PTPRN2: variants seen among roughly 807,000 people sequenced by gnomAD.
The protein encoded by PTPRN2 is protein tyrosine phosphatase receptor type N2.
In PTPRN2, 74 loss-of-function variants were observed where a neutral mutation model predicts 118.8. That is an observed-to-expected ratio of 0.62 (90% CI 0.52 to 0.76). The LOEUF (loss-of-function observed/expected upper bound fraction) is 0.76. Ranked by LOEUF, PTPRN2 falls within the 30% of genes least tolerant of loss-of-function variation. The pLI is 0.00. For missense variants in PTPRN2, 1,481 were observed against 1,394.4 expected, an observed-to-expected ratio of 1.06 and a Z score of -0.99; for synonymous variants, 641 against 608.0, an observed-to-expected ratio of 1.05 and a Z score of -0.80.
rs139953421 is a variant in PTPRN2 at position 158,082,286 on chromosome 7, C to G, written c.1644-909G>C. Among the ~76,000 whole-genome samples, 48 of 152,282 alleles carry G rather than the reference C, an allele frequency of 3.2e-4. No individual in the cohort carries two copies. The East Asian group carries it at 8.9e-3, about 28-fold the overall frequency. On this transcript the variant is annotated intron_variant, in intron 10 of 22. Transcript: ENST00000389418. ...GGGTCCCTTGCTGTCCCCACTGCAG[C>G]CACACACCCTCCACCACAGGCTCAT...
rs61415710 is a variant in PTPRN2 at position 157,780,155 on chromosome 7, C to T, written c.1789-97218G>A. Reference sequence around the variant, plus strand: ...ACTGTCTTTGTTTATGATCCCACCACGTATCTCTACTATTAAAGAATTAGC... The same window carrying T: ...ACTGTCTTTGTTTATGATCCCACCATGTATCTCTACTATTAAAGAATTAGC... On this transcript the variant is annotated intron_variant, in intron 12 of 22. Coordinates refer to ENST00000389418, the MANE Select transcript of PTPRN2 (RefSeq NM_002847.5). The surrounding 1 kb of genome is among the most constrained non-coding windows in gnomAD (Gnocchi z 4.5). Among the ~76,000 whole-genome samples, 1,985 of 152,286 alleles carry T rather than the reference C, an allele frequency of 0.013. 38 individuals are homozygous for T. The highest frequency in any genetic ancestry group is 0.045 in the African/African-American group (1,858 of 41,538).
At chr7:158,286,617 T>C (rs1336313258) in intron 3 of PTPRN2, among the ~76,000 whole-genome samples, 1 of 152,224 alleles carries the variant, frequency 6.6e-6, no homozygotes, top group African/African-American at 2.4e-5. Context: ...AGATGATATA[T>C]GGTTTTTATC....
At chr7:158,314,479 C>T (rs903294346) in intron 3 of PTPRN2, among the ~76,000 whole-genome samples, 15 of 152,260 alleles carry the variant, frequency 9.9e-5, no homozygotes, top group Admixed American at 2.6e-4. Flanking sequence ...ACATTGATAC[C>T]CATATCTACG....
chr7:157,863,778 A>G (rs938829833), intron 12 of PTPRN2: 2 of 152,118 alleles, frequency 1.3e-5, no homozygotes, highest in African/African-American at 4.8e-5. Context: ...TCAGAAAGGG[A>G]TATCTGGACA....
chr7:158,070,565 G>GTGCTCTTAGTA, intron 11 of PTPRN2, among the ~76,000 whole-genome samples: 1 of 125,732 alleles, frequency 8.0e-6, no homozygotes, highest in African/African-American at 3.4e-5. Context: ...CATGGTGGTG[G>GTGCTCTTAGTA]TGGAGGTGCC....
intron 12 of PTPRN2, among the ~76,000 whole-genome samples, chr7:157,883,586 G>T (rs1261073427): frequency 6.7e-6 from 1 of 148,456 alleles, no homozygotes; most frequent in Non-Finnish European, 1.5e-5. Flanking sequence ...CAAAATGACT[G>T]TTGGAGACCA....
At chr7:157,572,394 C>G (rs993894347) in intron 19 of PTPRN2, among the ~76,000 whole-genome samples, 1 of 152,180 alleles carries the variant, frequency 6.6e-6, no homozygotes, top group African/African-American at 2.4e-5. Flanking sequence ...AAGTATGGAC[C>G]ATCAATGGGA....
At chr7:157,767,029 C>T (rs1189593664) in intron 12 of PTPRN2, among the ~76,000 whole-genome samples, 1 of 152,208 alleles carries the variant, frequency 6.6e-6, no homozygotes, top group Non-Finnish European at 1.5e-5. Flanking sequence ...CACCTAGCAC[C>T]ATACAATAGT....
chr7:158,305,268 T>C (rs1222627296), intron 3 of PTPRN2, among the ~76,000 whole-genome samples: 4 of 152,086 alleles, frequency 2.6e-5, no homozygotes, highest in Non-Finnish European at 5.9e-5. Flanking sequence ...AAGCCAAGAG[T>C]GGCTTCTTTC....
intron 3 of PTPRN2, among the ~76,000 whole-genome samples, chr7:158,312,236 A>G (rs1801850053): frequency 1.8e-5 from 2 of 109,196 alleles, no homozygotes; most frequent in African/African-American, 6.0e-5. Context: ...ACCCACACAC[A>G]TGCACACACA....
chr7:157,559,428 G>A (rs896609485), intron 21 of PTPRN2, among the ~76,000 whole-genome samples: 4 of 152,222 alleles, frequency 2.6e-5, no homozygotes, highest in Non-Finnish European at 4.4e-5. Context: ...ACACACTGGC[G>A]GGGGCTGGAC....
intron 2 of PTPRN2, among the ~76,000 whole-genome samples, chr7:158,436,548 A>G (rs1586668829): frequency 2.3e-5 from 3 of 130,832 alleles, no homozygotes; most frequent in Admixed American, 7.7e-5. Context: ...TCTTTTCCTA[A>G]GAGTCATCTG....
At chr7:157,608,350 G>A (rs1802127756) in intron 15 of PTPRN2, among the ~76,000 whole-genome samples, 1 of 152,192 alleles carries the variant, frequency 6.6e-6, no homozygotes, top group African/African-American at 2.4e-5. Flanking sequence ...TTACAGGCAT[G>A]AGCCACTGTG....
intron 2 of PTPRN2, among the ~76,000 whole-genome samples, chr7:158,419,485 C>G (rs1815075029): frequency 7.4e-6 from 1 of 135,384 alleles, no homozygotes; most frequent in South Asian, 2.3e-4. Context: ...GGCCTCGGGA[C>G]TCTCGGAGGT....
chr7:158,457,532 G>C (rs1285358606), intron 2 of PTPRN2, among the ~76,000 whole-genome samples: 57 of 146,834 alleles, frequency 3.9e-4, no homozygotes, highest in African/African-American at 1.3e-3. Context: ...CCTGGCCTGG[G>C]GGGAGTCACA....
intron 14 of PTPRN2, among the ~76,000 whole-genome samples, chr7:157,645,295 A>C (rs907767263): frequency 6.6e-6 from 1 of 152,248 alleles, no homozygotes; most frequent in Non-Finnish European, 1.5e-5. Context: ...CCAGAGAAAC[A>C]GAAGTGAAAA....
Position 157,845,973 on chromosome 7 carries a change from AT to A in PTPRN2, c.1788+52699del, listed in dbSNP as rs759772800. Among the ~76,000 whole-genome samples, 18 of 152,206 alleles carry A rather than the reference AT, an allele frequency of 1.2e-4. No individual in the cohort carries two copies. Among genetic ancestry groups the A allele is most frequent in the Non-Finnish European group, 4.4e-5 (3 of 68,038 alleles). On this transcript the variant is annotated intron_variant, in intron 12 of 22. Transcript: ENST00000389418. This position sits in a 1 kb window ranked among gnomAD's most constrained non-coding sequence, Gnocchi z 4.5. ...TCAGGGCAGAAAACAGTTTCCTCAA[AT>A]CCTTTCCTCAAACAACACAAACTAC...
At chr7:157,975,039 A>T (rs1802635811) in intron 11 of PTPRN2, among the ~76,000 whole-genome samples, 1 of 151,932 alleles carries the variant, frequency 6.6e-6, no homozygotes, top group Admixed American at 6.5e-5. Flanking sequence ...CTGGATAAGA[A>T]CTCACACTAA....
intron 12 of PTPRN2, among the ~76,000 whole-genome samples, chr7:157,700,772 C>T (rs1309270616): frequency 2.6e-5 from 4 of 152,202 alleles, no homozygotes; most frequent in Non-Finnish European, 5.9e-5. Flanking sequence ...ACCTCCCCTG[C>T]ATGCCTTCCC....
Sources: allele counts gnomAD v4.1 joint callset (sites outside exome capture counted in the v4.1 genomes callset), GRCh38; gene constraint gnomAD v4.1.1; non-coding constraint Gnocchi (gnomAD v3.1); transcripts MANE v1.5; gene names NCBI Gene and HGNC (gene_info 2026-07-23, HGNC 2026-07-21).